PSD3: variants seen among roughly 807,000 people sequenced by gnomAD.
PSD3 encodes the protein pleckstrin and Sec7 domain containing 3.
In PSD3, 49 loss-of-function variants were observed where a neutral mutation model predicts 105.5. The observed-to-expected ratio is 0.46, with a 90% CI of 0.37 to 0.59. PSD3 has a LOEUF of 0.59. Among genes scored for constraint, PSD3 ranks in the 20% least tolerant of loss-of-function variants. The pLI, the probability that PSD3 is intolerant of heterozygous loss-of-function variation, is 0.00. For missense variants in PSD3, 1,561 were observed against 1,263.8 expected (o/e 1.24, Z -3.57); for synonymous variants, 557 against 457.8 (o/e 1.22, Z -2.77).
intron 1 of PSD3, among the ~76,000 whole-genome samples, chr8:19,031,277 C>T (rs1586647981): frequency 6.6e-6 from 1 of 152,192 alleles, no homozygotes; most frequent in East Asian, 1.9e-4. Flanking sequence ...GGGATGATTA[C>T]TTCCGTTGAC....
chr8:18,543,411 G>C (rs917001318), intron 15 of PSD3, among the ~76,000 whole-genome samples: 1 of 151,968 alleles, frequency 6.6e-6, no homozygotes, highest in Admixed American at 6.6e-5. Context: ...TCAAGAGATC[G>C]AGACCATCTT....
intron 2 of PSD3, among the ~76,000 whole-genome samples, chr8:18,929,137 T>C (rs1378189721): frequency 1.3e-5 from 2 of 152,192 alleles, no homozygotes; most frequent in African/African-American, 4.8e-5. Flanking sequence ...TTTTTTAAAG[T>C]ATTCAGCCTT....
At chr8:18,810,683 C>T (rs549931716) in intron 4 of PSD3, among the ~76,000 whole-genome samples, 1 of 152,074 alleles carries the variant, frequency 6.6e-6, no homozygotes, top group Non-Finnish European at 1.5e-5. Context: ...TAATAACAGC[C>T]ACCTAGTCGA....
chr8:18,894,749 C>G (rs1197718704), intron 2 of PSD3, among the ~76,000 whole-genome samples: 1 of 152,176 alleles, frequency 6.6e-6, no homozygotes, highest in Non-Finnish European at 1.5e-5. Context: ...TCGGAACTCC[C>G]ACCCTATGAT....
At chr8:18,766,331 C>T (rs1021323095) in intron 8 of PSD3, among the ~76,000 whole-genome samples, 6 of 152,114 alleles carry the variant, frequency 3.9e-5, no homozygotes, top group African/African-American at 1.4e-4. Context: ...GCAACTGTAT[C>T]TCAAAAAACA....
chr8:18,849,261 TACTC>T (rs1485975747), intron 4 of PSD3: 1 of 152,166 alleles, frequency 6.6e-6, no homozygotes, highest in Non-Finnish European at 1.5e-5. Flanking sequence ...CACAGACAAT[TACTC>T]ATTCATTGAT....
rs138935648 is a variant in PSD3, at chr8:18,590,332, C to T, written c.2481+10032G>A. Among the ~76,000 whole-genome samples, 298 of 152,084 alleles carry T rather than the reference C, an allele frequency of 2.0e-3. 1 individual carries two copies. Among genetic ancestry groups the T allele is most frequent in the Middle Eastern group, 6.8e-3 (2 of 294 alleles). ...TCAGTACTGCGGATAGTAAATCAAA[C>T]GGGAGGCCTCTTTGCCAGAGAAACA... On this transcript the variant is annotated intron_variant, in intron 12 of 15. Transcript: ENST00000327040.
intron 1 of PSD3, among the ~76,000 whole-genome samples, chr8:19,069,228 G>C (rs1010341893): frequency 5.3e-5 from 8 of 152,192 alleles, no homozygotes; most frequent in Non-Finnish European, 1.2e-4. Flanking sequence ...GAATGACACA[G>C]GGGAGTTTTA....
chr8:18,795,902 A>T (rs1810134386), intron 8 of PSD3, among the ~76,000 whole-genome samples: 1 of 152,252 alleles, frequency 6.6e-6, no homozygotes, highest in East Asian at 1.9e-4. Context: ...AATAAAACTT[A>T]GTTCCAATAT....
chr8:18,949,081 G>A (rs936335552), intron 1 of PSD3, among the ~76,000 whole-genome samples: 82 of 149,288 alleles, frequency 5.5e-4, no homozygotes, highest in Non-Finnish European at 1.1e-3. Flanking sequence ...AATTAGCCGG[G>A]CGTGGTGGCG....
At chr8:18,593,124 G>C (rs2130509949) in intron 12 of PSD3, among the ~76,000 whole-genome samples, 1 of 152,210 alleles carries the variant, frequency 6.6e-6, no homozygotes, top group Admixed American at 6.5e-5. Flanking sequence ...TTGACAAATG[G>C]GATCTAATTA....
At chr8:18,900,641 CTCTT>C in intron 2 of PSD3, among the ~76,000 whole-genome samples, 1 of 133,752 alleles carries the variant, frequency 7.5e-6, no homozygotes, top group East Asian at 2.3e-4. Flanking sequence ...TGAGAGACAA[CTCTT>C]TTTTTTTTTT....
chr8:18,699,197 T>G (rs77053311), intron 9 of PSD3, among the ~76,000 whole-genome samples: 2,023 of 152,278 alleles, frequency 0.013, 41 homozygotes, highest in African/African-American at 0.039. Context: ...GCCAAGCTTT[T>G]TAAGAGCCAC....
At chr8:18,593,668 T>C (rs1803783587) in intron 12 of PSD3, among the ~76,000 whole-genome samples, 2 of 152,072 alleles carry the variant, frequency 1.3e-5, no homozygotes, top group Non-Finnish European at 2.9e-5. Flanking sequence ...TAAAGACACA[T>C]GCTCACGTAC....
At chr8:18,572,948 A>C (rs1372863662) in intron 13 of PSD3, among the ~76,000 whole-genome samples, 2 of 152,134 alleles carry the variant, frequency 1.3e-5, no homozygotes, top group African/African-American at 4.8e-5. Context: ...TTAAACCCCT[A>C]CTTTCTGTTT....
At chr8:18,576,707 G>A (rs374511068) in intron 12 of PSD3, among the ~76,000 whole-genome samples, 7 of 152,012 alleles carry the variant, frequency 4.6e-5, no homozygotes, top group African/African-American at 1.4e-4. Flanking sequence ...GGCTCTCCAC[G>A]CAGTGTAACT....
intron 12 of PSD3, among the ~76,000 whole-genome samples, chr8:18,590,221 A>G (rs1405251370): frequency 2.0e-5 from 3 of 152,208 alleles, no homozygotes; most frequent in Admixed American, 6.5e-5. Context: ...CAATAAATCA[A>G]ATGTATTCCT....
Position 19,035,107 on chromosome 8 carries a change from A to G in PSD3, c.324+49099T>C, listed in dbSNP as rs568451931. ...AAAGGAAAATCTTTTCTGAGTAACA[A>G]ATATAAAAATTGTCATCCATAAATA... is the stretch of plus-strand genomic sequence containing the variant. On this transcript the variant is annotated intron_variant, in intron 1 of 1. Coordinates refer to the PSD3 transcript ENST00000521475. 2.2e-4 allele frequency among the ~76,000 whole-genome samples: 34 copies of G among 152,322 alleles called. No individual in the cohort carries two copies. The South Asian group carries it at 3.1e-3, about 14-fold the overall frequency.
intron 1 of PSD3, among the ~76,000 whole-genome samples, chr8:18,995,621 C>T (rs761767052): frequency 2.0e-5 from 3 of 151,810 alleles, no homozygotes; most frequent in African/African-American, 7.3e-5. Flanking sequence ...AAGACATGCC[C>T]GGGACTCAGT....
Sources: gnomAD v4.1 joint callset for allele counts (sites outside exome capture counted in the v4.1 genomes callset) on GRCh38, gnomAD v4.1.1 for gene constraint, MANE v1.5 for transcripts, NCBI Gene and HGNC (gene_info 2026-07-23, HGNC 2026-07-21) for gene names.